CDH6: variants seen among roughly 807,000 people sequenced by gnomAD.
CDH6 encodes the protein cadherin 6.
In CDH6, 31 loss-of-function variants were observed where a neutral mutation model predicts 78.0. The ratio of observed to expected loss-of-function variants is 0.40; its 90% CI spans 0.30 to 0.54. The LOEUF (loss-of-function observed/expected upper bound fraction) is 0.54, where lower values mean the gene tolerates loss of function less well. Among genes scored for constraint, CDH6 ranks in the 20% least tolerant of loss-of-function variants. The pLI is 0.56. For synonymous variants in CDH6, 376 were observed against 368.8 expected, an observed-to-expected ratio of 1.02 and a Z score of -0.23; for missense variants, 724 against 975.9, an observed-to-expected ratio of 0.74 and a Z score of 3.44.
At chr5:31,307,935 T>C (rs906746790) in intron 7 of CDH6, among the ~76,000 whole-genome samples, 1 of 152,218 alleles carries the variant, frequency 6.6e-6, no homozygotes, top group Non-Finnish European at 1.5e-5. Flanking sequence ...ATTTTTAAGT[T>C]TTTTGCTGCC....
At chr5:31,212,483 G>T (rs1449772258) in intron 1 of CDH6, among the ~76,000 whole-genome samples, 1 of 151,968 alleles carries the variant, frequency 6.6e-6, no homozygotes, top group South Asian at 2.1e-4. Flanking sequence ...TGCCAAATGC[G>T]GCTGAAATTC....
intron 7 of CDH6, among the ~76,000 whole-genome samples, chr5:31,305,796 TGTAAATA>T (rs1435253452): frequency 6.6e-6 from 1 of 152,268 alleles, no homozygotes; most frequent in African/African-American, 2.4e-5. Flanking sequence ...GTAAATTCTA[TGTAAATA>T]GTTATTATCT....
intron 2 of CDH6, among the ~76,000 whole-genome samples, chr5:31,281,728 A>G (rs762937395): frequency 1.8e-4 from 28 of 152,318 alleles, no homozygotes; most frequent in Middle Eastern, 6.8e-3. Flanking sequence ...TGGCAGTAGA[A>G]TTTACAAATA....
chr5:31,199,443 TACACACACATATGTGTATATATAC>T (rs1193322072), intron 1 of CDH6, among the ~76,000 whole-genome samples: 44 of 5,262 alleles, frequency 8.4e-3, no homozygotes, highest in Non-Finnish European at 0.031. Flanking sequence ...TGTGTATATA[TACACACACATATGTGTATATATAC>T]ACACACATAT....
intron 1 of CDH6, among the ~76,000 whole-genome samples, chr5:31,240,204 A>T (rs888667973): frequency 2.0e-5 from 3 of 152,156 alleles, no homozygotes; most frequent in Admixed American, 6.5e-5. Context: ...TAAAGAAAAA[A>T]CTATTGCCTT....
intron 1 of CDH6, among the ~76,000 whole-genome samples, chr5:31,245,494 GC>G (rs921141305): frequency 6.6e-5 from 10 of 151,856 alleles, no homozygotes; most frequent in Admixed American, 2.0e-4. Context: ...AATGTTAAAA[GC>G]CCTTTCCTAC....
chr5:31,274,244 A>G (rs1020784417), intron 2 of CDH6, among the ~76,000 whole-genome samples: 3 of 152,204 alleles, frequency 2.0e-5, no homozygotes, highest in Non-Finnish European at 4.4e-5. Context: ...TTTCTTAATG[A>G]CAAAAGTTTC....
intron 1 of CDH6, among the ~76,000 whole-genome samples, chr5:31,212,397 C>T (rs909426942): frequency 6.6e-6 from 1 of 151,966 alleles, no homozygotes; most frequent in Non-Finnish European, 1.5e-5. Context: ...TTTTTGTGTA[C>T]AAATATAATG....
intron 1 of CDH6, among the ~76,000 whole-genome samples, chr5:31,199,717 C>CTATATATA (rs1554035043): frequency 8.7e-6 from 1 of 114,746 alleles, no homozygotes; most frequent in African/African-American, 3.4e-5. Context: ...ATATATATAT[C>CTATATATA]TCAAAGATAA....
chr5:31,253,843 C>A (rs553950643), intron 1 of CDH6, among the ~76,000 whole-genome samples: 1 of 149,990 alleles, frequency 6.7e-6, no homozygotes, highest in Non-Finnish European at 1.5e-5. Flanking sequence ...TTTTTAGAAG[C>A]GAATCTGAAT....
chr5:31,247,111 T>C (rs1741773384), intron 1 of CDH6, among the ~76,000 whole-genome samples: 1 of 152,166 alleles, frequency 6.6e-6, no homozygotes, highest in Non-Finnish European at 1.5e-5. Flanking sequence ...GGATCTTAAC[T>C]CAGGACATCT....
At chr5:31,258,156 T>G (rs1256330199) in intron 1 of CDH6, among the ~76,000 whole-genome samples, 1 of 152,222 alleles carries the variant, frequency 6.6e-6, no homozygotes, top group East Asian at 1.9e-4. Flanking sequence ...CAAATGATTA[T>G]AAATTATTCT....
At position 31,277,660 on chromosome 5, in the gene CDH6, A is replaced by G. The variant is rs146236520; in HGVS notation, c.228+9959A>G. Among the ~76,000 whole-genome samples the G allele has an allele frequency of 3.4e-3, 512 of 152,332 alleles. 4 individuals are homozygous for G. The highest frequency in any genetic ancestry group is 0.011 in the African/African-American group (476 of 41,582). On this transcript the variant is annotated intron_variant, in intron 2 of 11. Transcript: ENST00000265071. ...TACTCTTTCAATTAGCACTTCAGAT[A>G]TCGAATGCAAACTCTGGAATACTTA...
intron 4 of CDH6, among the ~76,000 whole-genome samples, chr5:31,299,262 C>CT (rs1410497601): frequency 5.3e-5 from 8 of 151,942 alleles, no homozygotes; most frequent in East Asian, 1.9e-4. Flanking sequence ...GTATTACAGG[C>CT]TTTTTTTAAT....
chr5:31,205,211 T>C (rs1740482266), intron 1 of CDH6, among the ~76,000 whole-genome samples: 1 of 152,210 alleles, frequency 6.6e-6, no homozygotes, highest in East Asian at 1.9e-4. Context: ...CTCTTAAATA[T>C]TTTTACAACT....
chr5:31,234,966 C>T (rs1231496006), intron 1 of CDH6, among the ~76,000 whole-genome samples: 3 of 152,172 alleles, frequency 2.0e-5, no homozygotes, highest in East Asian at 1.9e-4. Flanking sequence ...ACTCCATTAT[C>T]CACAAGTGTG....
intron 2 of CDH6, among the ~76,000 whole-genome samples, chr5:31,273,187 G>A (rs566542631): frequency 6.6e-6 from 1 of 152,072 alleles, no homozygotes; most frequent in African/African-American, 2.4e-5. Flanking sequence ...GTTCTGAAAG[G>A]TTACTTAAAA....
At chr5:31,211,941 AG>A (rs1189398307) in intron 1 of CDH6, among the ~76,000 whole-genome samples, 5 of 152,296 alleles carry the variant, frequency 3.3e-5, no homozygotes, top group East Asian at 1.9e-4. Context: ...TAACCATAAA[AG>A]CTCCATATTT....
chr5:31,258,466 A>C (rs936712015), intron 1 of CDH6, among the ~76,000 whole-genome samples: 1 of 152,160 alleles, frequency 6.6e-6, no homozygotes, highest in Admixed American at 6.5e-5. Context: ...GGAAGGGAAC[A>C]TCACACACCG....
Sources: allele counts gnomAD v4.1 joint callset (sites outside exome capture counted in the v4.1 genomes callset), GRCh38; gene constraint gnomAD v4.1.1; transcripts MANE v1.5; gene names NCBI Gene and HGNC (gene_info 2026-07-23, HGNC 2026-07-21).